Variants in CDH4 observed in about 807,000 individuals in gnomAD.
CDH4 encodes the protein cadherin 4, also known as cadherin-4.
Under a neutral mutation model 86.0 loss-of-function variants are expected in CDH4, and 33 were observed. The observed-to-expected ratio is 0.38, with a 90% CI of 0.29 to 0.51. The LOEUF is 0.51. CDH4 is among the 20% of genes least tolerant of loss of function. CDH4 has a pLI of 0.86. For missense variants in CDH4, 1,114 were observed against 1,307.4 expected (o/e 0.85, Z 2.28); for synonymous variants, 555 against 549.4 (o/e 1.01, Z -0.14).
intron 4 of CDH4, among the ~76,000 whole-genome samples, chr20:61,796,325 G>T (rs574959200): frequency 6.6e-6 from 1 of 152,022 alleles, no homozygotes; most frequent in Non-Finnish European, 1.5e-5. Context: ...GCTCAAAGCC[G>T]CTCTCTGGCC....
rs540361292 is a variant in CDH4, at chr20:61,709,107, C to T, written c.170-34456C>T. Among the ~76,000 whole-genome samples the T allele has an allele frequency of 2.5e-4, 38 of 152,218 alleles. No individual in the cohort carries two copies. The South Asian group carries it at 7.9e-3, about 32-fold the overall frequency. On this transcript the variant is annotated intron_variant, in intron 2 of 15. Coordinates refer to ENST00000614565, the MANE Select transcript of CDH4 (RefSeq NM_001794.5). The surrounding 1 kb of genome is among the most constrained non-coding windows in gnomAD (Gnocchi z 4.8). ...CTGAGTTCACATCACCCCAAAGCCTCGGGTCCCAGTGGCGTAGCGGCCGCC... is the reference window on the plus strand; with the variant it reads ...CTGAGTTCACATCACCCCAAAGCCTTGGGTCCCAGTGGCGTAGCGGCCGCC...
intron 2 of CDH4, among the ~76,000 whole-genome samples, chr20:61,616,619 T>G (rs1052808940): frequency 2.0e-5 from 3 of 152,212 alleles, no homozygotes; most frequent in African/African-American, 7.2e-5. Flanking sequence ...TGGACCTTAC[T>G]TAGGGCAAAG....
At chr20:61,531,258 G>A (rs1327533215) in intron 2 of CDH4, among the ~76,000 whole-genome samples, 1 of 152,092 alleles carries the variant, frequency 6.6e-6, no homozygotes. Flanking sequence ...GATCACCTGA[G>A]GTCAGGAGTT....
At chr20:61,637,803 C>A (rs1285314623) in intron 2 of CDH4, among the ~76,000 whole-genome samples, 1 of 151,976 alleles carries the variant, frequency 6.6e-6, no homozygotes, top group Non-Finnish European at 1.5e-5. Flanking sequence ...GGCGGATCAC[C>A]TGAGGTCAGG....
chr20:61,539,052 GGATCCACAGCA>G (rs2086019544), intron 2 of CDH4, among the ~76,000 whole-genome samples: 1 of 152,150 alleles, frequency 6.6e-6, no homozygotes. Context: ...CCAGGGTTTG[GGATCCACAGCA>G]GATCCGCAGC....
At chr20:61,903,540 T>TAAAAA (rs60370683) in intron 8 of CDH4, among the ~76,000 whole-genome samples, 12,507 of 90,742 alleles carry the variant, frequency 0.14, 1,638 homozygotes, top group Non-Finnish European at 0.18. Context: ...AGAGACTCCA[T>TAAAAA]AAAAAAAAAA....
At chr20:61,624,219 C>G (rs2086807158) in intron 2 of CDH4, among the ~76,000 whole-genome samples, 1 of 152,188 alleles carries the variant, frequency 6.6e-6, no homozygotes, top group South Asian at 2.1e-4. Flanking sequence ...GGGGACCTCA[C>G]CTCAGGAATC....
chr20:61,529,766 C>T (rs993209841), intron 2 of CDH4, among the ~76,000 whole-genome samples: 1 of 152,162 alleles, frequency 6.6e-6, no homozygotes, highest in Non-Finnish European at 1.5e-5. Context: ...CAGAACTTCT[C>T]GTTCTTGCTC....
At chr20:61,324,726 C>T (rs1414928753) in intron 2 of CDH4, among the ~76,000 whole-genome samples, 4 of 152,298 alleles carry the variant, frequency 2.6e-5, no homozygotes, top group African/African-American at 9.6e-5. Context: ...CACCAATCCA[C>T]AATGAATATG....
chr20:61,505,436 G>A (rs753973900), intron 2 of CDH4, among the ~76,000 whole-genome samples: 13 of 152,328 alleles, frequency 8.5e-5, no homozygotes, highest in East Asian at 1.9e-4. Flanking sequence ...TTCTGAGGGC[G>A]ACTCTCTTTT....
intron 2 of CDH4, among the ~76,000 whole-genome samples, chr20:61,331,515 T>C (rs906600587): frequency 7.9e-6 from 1 of 126,356 alleles, no homozygotes; most frequent in African/African-American, 3.1e-5. Context: ...ACCAGAGCTG[T>C]CCTCTGATCT....
chr20:61,804,327 G>A (rs371917324), intron 4 of CDH4, among the ~76,000 whole-genome samples: 17 of 152,310 alleles, frequency 1.1e-4, no homozygotes, highest in African/African-American at 3.6e-4. Flanking sequence ...GAGGACCGAG[G>A]CGGGTAGAAG....
At chr20:61,543,672 G>A (rs1444377766) in intron 2 of CDH4, among the ~76,000 whole-genome samples, 1 of 152,220 alleles carries the variant, frequency 6.6e-6, no homozygotes, top group East Asian at 1.9e-4. Context: ...CAGGGGGCTG[G>A]TGTGACCAGG....
chr20:61,533,835 G>C (rs2085974354), intron 2 of CDH4, among the ~76,000 whole-genome samples: 2 of 152,192 alleles, frequency 1.3e-5, no homozygotes, highest in African/African-American at 4.8e-5. Context: ...CCAGGCAAAT[G>C]TGTTTAAAAC....
intron 2 of CDH4, among the ~76,000 whole-genome samples, chr20:61,685,398 G>T (rs1192267665): frequency 6.6e-6 from 1 of 152,204 alleles, no homozygotes; most frequent in Non-Finnish European, 1.5e-5. Context: ...CATGACAGGG[G>T]TTGAGCAAGT....
intron 2 of CDH4, among the ~76,000 whole-genome samples, chr20:61,537,373 C>G (rs1290770175): frequency 1.3e-5 from 2 of 152,194 alleles, no homozygotes; most frequent in African/African-American, 4.8e-5. Context: ...TATCCCTGCC[C>G]TGAGAAGAGA....
intron 3 of CDH4, among the ~76,000 whole-genome samples, chr20:61,751,343 G>T (rs2145954508): frequency 6.6e-6 from 1 of 152,296 alleles, no homozygotes; most frequent in East Asian, 1.9e-4. Context: ...GGGCAAAACT[G>T]CCCCCTTTTG....
chr20:61,793,965 C>T (rs1328991379), intron 4 of CDH4, among the ~76,000 whole-genome samples: 5 of 138,972 alleles, frequency 3.6e-5, no homozygotes, highest in South Asian at 4.9e-4. Flanking sequence ...GGTGAAACCT[C>T]GTCTCTACTA....
In CDH4 at chr20:61,508,123, C is replaced by T. The variant is rs147814578; in HGVS notation, c.170-235440C>T. On this transcript the variant is annotated intron_variant, in intron 2 of 15. Coordinates refer to ENST00000614565, the MANE Select transcript of CDH4 (RefSeq NM_001794.5). ...ACAAACATAAGCATGCTTCCCGTGTCCCTAAAAATGTGTTTGGTCAATCAG... is the reference window on the plus strand; with the variant it reads ...ACAAACATAAGCATGCTTCCCGTGTTCCTAAAAATGTGTTTGGTCAATCAG... Among the ~76,000 whole-genome samples the T allele has an allele frequency of 7.2e-5, 11 of 152,298 alleles. No homozygotes were observed. In the East Asian group the frequency reaches 1.9e-3, roughly 27 times the overall value.
Sources: allele counts gnomAD v4.1 joint callset (sites outside exome capture counted in the v4.1 genomes callset), GRCh38; gene constraint gnomAD v4.1.1; non-coding constraint Gnocchi (gnomAD v3.1); transcripts MANE v1.5; gene names NCBI Gene and HGNC (gene_info 2026-07-23, HGNC 2026-07-21).